The following OLA1 variants were observed in gnomAD, a reference collection of about 807,000 sequenced individuals.
The protein encoded by OLA1 is Obg like ATPase 1, also known as obg-like ATPase 1.
OLA1 carries 14 observed loss-of-function variants against 48.4 expected under a neutral mutation model. The observed-to-expected ratio is 0.29, with a 90% CI of 0.19 to 0.45. The LOEUF is 0.45. Among genes scored for constraint, OLA1 ranks in the 20% least tolerant of loss-of-function variants. The pLI is 1.00. For synonymous variants in OLA1, 127 were observed against 150.4 expected (o/e 0.84, Z 1.14); for missense variants, 325 against 467.1 (o/e 0.70, Z 2.80).
intron 4 of OLA1, among the ~76,000 whole-genome samples, chr2:174,149,721 A>C (rs560185414): frequency 8.5e-5 from 13 of 152,334 alleles, no homozygotes; most frequent in African/African-American, 2.9e-4. Flanking sequence ...ATTTGGCAGA[A>C]ATGATGAGTT....
At chr2:174,164,532 G>A (rs1687116927) in intron 4 of OLA1, among the ~76,000 whole-genome samples, 1 of 152,074 alleles carries the variant, frequency 6.6e-6, no homozygotes, top group Non-Finnish European at 1.5e-5. Context: ...ATAATAGTGT[G>A]ATGTTTTAAA....
chr2:174,093,372 G>A (rs1685170716), intron 7 of OLA1, among the ~76,000 whole-genome samples: 1 of 151,894 alleles, frequency 6.6e-6, no homozygotes, highest in Non-Finnish European at 1.5e-5. Flanking sequence ...GGAGGTTGAG[G>A]TGGGAGGATC....
chr2:174,081,303 T>C, intron 8 of OLA1, 55 bp from the exon 9 acceptor site: 1 of 1,300,624 alleles, frequency 7.7e-7, no homozygotes, highest in South Asian at 1.2e-5. Flanking sequence ...TGCCAGAAAT[T>C]GGTATAGAGC....
At chr2:174,200,241 C>T (rs1306311512) in intron 4 of OLA1, among the ~76,000 whole-genome samples, 3 of 151,864 alleles carry the variant, frequency 2.0e-5, no homozygotes, top group South Asian at 2.1e-4. Flanking sequence ...TTTAGAGTCT[C>T]GAGATAAAAA....
At chr2:174,204,273 C>T (rs1447971720) in intron 4 of OLA1, among the ~76,000 whole-genome samples, 6 of 151,982 alleles carry the variant, frequency 3.9e-5, no homozygotes, top group East Asian at 2.0e-4. Context: ...TGGTGGCGGG[C>T]GCCTGTAGTC....
intron 4 of OLA1, among the ~76,000 whole-genome samples, chr2:174,184,641 T>A (rs917812480): frequency 1.3e-5 from 2 of 152,206 alleles, no homozygotes; most frequent in Non-Finnish European, 2.9e-5. Flanking sequence ...TATACCAATG[T>A]TGGTTCCTTA....
intron 4 of OLA1, among the ~76,000 whole-genome samples, chr2:174,150,517 T>G (rs1686718059): frequency 6.6e-6 from 1 of 152,204 alleles, no homozygotes; most frequent in Non-Finnish European, 1.5e-5. Context: ...AGAGTTTTCT[T>G]GGGAATAAGA....
At chr2:174,110,302 ATTTTTTTT>A (rs575026912) in intron 7 of OLA1, among the ~76,000 whole-genome samples, 6 of 113,860 alleles carry the variant, frequency 5.3e-5, no homozygotes, top group South Asian at 2.8e-4. Context: ...CCATGCTTGG[ATTTTTTTT>A]TTTTTTTTTT....
At chr2:174,197,132 C>T (rs1484217495) in intron 4 of OLA1, among the ~76,000 whole-genome samples, 2 of 152,110 alleles carry the variant, frequency 1.3e-5, no homozygotes, top group East Asian at 1.9e-4. Flanking sequence ...ATAAATAACT[C>T]CCACAAGCTT....
At chr2:174,152,574 G>A (rs1015737412) in intron 4 of OLA1, among the ~76,000 whole-genome samples, 2 of 152,076 alleles carry the variant, frequency 1.3e-5, no homozygotes, top group South Asian at 2.1e-4. Context: ...GTAGGTTTAC[G>A]TTTCTAGCCT....
intron 5 of OLA1, among the ~76,000 whole-genome samples, chr2:174,130,968 A>G (rs942516604): frequency 1.3e-5 from 2 of 152,212 alleles, no homozygotes; most frequent in Admixed American, 6.5e-5. Flanking sequence ...GAGAGTTGAT[A>G]AAAGTACAAA....
At chr2:174,088,116 T>C (rs985717819) in intron 7 of OLA1, among the ~76,000 whole-genome samples, 20 of 152,172 alleles carry the variant, frequency 1.3e-4, no homozygotes, top group African/African-American at 4.6e-4. Flanking sequence ...ATGATGCAAC[T>C]TACATAAAAG....
intron 7 of OLA1, among the ~76,000 whole-genome samples, chr2:174,114,153 CCT>C (rs1184077167): frequency 7.0e-6 from 1 of 142,782 alleles, no homozygotes; most frequent in Non-Finnish European, 1.5e-5. Context: ...ACGGTGAAAC[CCT>C]GTCTCTACTA....
At chr2:174,168,276 A>T (rs1687213884) in intron 4 of OLA1, among the ~76,000 whole-genome samples, 1 of 152,194 alleles carries the variant, frequency 6.6e-6, no homozygotes, top group South Asian at 2.1e-4. Context: ...AACCATGCAT[A>T]GGGAGGGGAG....
At chr2:174,219,164 C>T (rs1290826554) in intron 4 of OLA1, among the ~76,000 whole-genome samples, 1 of 151,402 alleles carries the variant, frequency 6.6e-6, no homozygotes, top group Non-Finnish European at 1.5e-5. Context: ...CATTACTGGC[C>T]GGACACGGTG....
intron 4 of OLA1, among the ~76,000 whole-genome samples, chr2:174,208,918 A>G (rs1480003679): frequency 2.0e-5 from 3 of 152,208 alleles, no homozygotes; most frequent in Admixed American, 6.5e-5. Context: ...AAACACTACC[A>G]TCAACTCTAT....
intron 4 of OLA1, among the ~76,000 whole-genome samples, chr2:174,182,463 T>C (rs1033980377): frequency 5.3e-5 from 8 of 151,982 alleles, no homozygotes; most frequent in Admixed American, 2.0e-4. Flanking sequence ...GAGGTGTAGG[T>C]TGTGGTGAGC....
chr2:174,111,610 T>TA (rs1373857432), intron 7 of OLA1, among the ~76,000 whole-genome samples: 8 of 152,200 alleles, frequency 5.3e-5, no homozygotes, highest in Admixed American at 4.6e-4. Flanking sequence ...CATATACGTA[T>TA]ACAATGTTCA....
At chr2:174,180,951 T>C (rs1182036246) in intron 4 of OLA1, among the ~76,000 whole-genome samples, 1 of 152,198 alleles carries the variant, frequency 6.6e-6, no homozygotes, top group African/African-American at 2.4e-5. Context: ...ATTATCATTT[T>C]AGTACCTTTA....
Sources: gnomAD v4.1 joint callset for allele counts (sites outside exome capture counted in the v4.1 genomes callset) on GRCh38, gnomAD v4.1.1 for gene constraint, MANE v1.5 for transcripts, NCBI Gene and HGNC (gene_info 2026-07-23, HGNC 2026-07-21) for gene names.